SDCCAG8: variants seen among roughly 807,000 people sequenced by gnomAD.
The protein encoded by SDCCAG8 is serologically defined colon cancer antigen 8.
SDCCAG8 carries 74 observed loss-of-function variants against 101.8 expected under a neutral mutation model. The ratio of observed to expected loss-of-function variants is 0.73; its 90% CI spans 0.60 to 0.88. The LOEUF is 0.88. SDCCAG8 is among the 40% of genes least tolerant of loss of function. The probability of loss-of-function intolerance (pLI) is 0.00; values close to 1 mark genes in which losing one functional copy is unlikely to be tolerated. For missense variants in SDCCAG8, 787 were observed against 822.6 expected (o/e 0.96, Z 0.53); for synonymous variants, 281 against 292.9 (o/e 0.96, Z 0.41).
At chr1:243,275,687 A>C (rs2149270092) in intron 4 of SDCCAG8, among the ~76,000 whole-genome samples, 1 of 152,176 alleles carries the variant, frequency 6.6e-6, no homozygotes, top group Non-Finnish European at 1.5e-5. Flanking sequence ...TTTACTATCT[A>C]GTTGAGAAGA....
At chr1:243,338,080 C>T (rs1033590554) in intron 10 of SDCCAG8, among the ~76,000 whole-genome samples, 7 of 151,988 alleles carry the variant, frequency 4.6e-5, no homozygotes, top group African/African-American at 1.7e-4. Flanking sequence ...GCCACCTTGC[C>T]TGGCTAACTA....
chr1:243,428,038 G>A (rs939306802), intron 16 of SDCCAG8, among the ~76,000 whole-genome samples: 1 of 152,150 alleles, frequency 6.6e-6, no homozygotes, highest in Non-Finnish European at 1.5e-5. Flanking sequence ...TTGGCCATTG[G>A]GCCAGCCTTT....
chr1:243,337,895 T>C (rs998561770), intron 10 of SDCCAG8, among the ~76,000 whole-genome samples: 2 of 147,510 alleles, frequency 1.4e-5, no homozygotes, highest in East Asian at 4.1e-4. Flanking sequence ...CAAATGAAAA[T>C]TAATTCCATA....
intron 5 of SDCCAG8, among the ~76,000 whole-genome samples, chr1:243,292,203 T>C (rs1211245666): frequency 1.3e-5 from 2 of 152,196 alleles, no homozygotes; most frequent in Non-Finnish European, 2.9e-5. Context: ...CATGATTGGT[T>C]AAATCAATGG....
chr1:243,494,510 G>A (rs1343373272), intron 17 of SDCCAG8, among the ~76,000 whole-genome samples: 6 of 152,132 alleles, frequency 3.9e-5, no homozygotes, highest in South Asian at 2.1e-4. Context: ...CGCGACCTTC[G>A]GAGAAACTTC....
At chr1:243,437,137 T>A (rs1213648528) in intron 16 of SDCCAG8, among the ~76,000 whole-genome samples, 2 of 152,258 alleles carry the variant, frequency 1.3e-5, no homozygotes, top group Non-Finnish European at 2.9e-5. Flanking sequence ...AACTTTTAAA[T>A]TAAATCTGAT....
intron 16 of SDCCAG8, among the ~76,000 whole-genome samples, chr1:243,460,319 C>G (rs1183805292): frequency 6.6e-6 from 1 of 151,982 alleles, no homozygotes. Context: ...GTGTGTGTAG[C>G]GAGCACTACT....
At chr1:243,365,923 G>C (rs2076966852) in intron 12 of SDCCAG8, among the ~76,000 whole-genome samples, 1 of 151,988 alleles carries the variant, frequency 6.6e-6, no homozygotes, top group African/African-American at 2.4e-5. Context: ...ATTCCATTTT[G>C]AAATGACCTT....
intron 13 of SDCCAG8, among the ~76,000 whole-genome samples, chr1:243,406,577 T>C (rs1368861615): frequency 6.6e-6 from 1 of 152,190 alleles, no homozygotes; most frequent in Non-Finnish European, 1.5e-5. Flanking sequence ...GAGTGATCTT[T>C]CTAAAGCACG....
At chr1:243,450,118 G>C (rs760591148) in intron 16 of SDCCAG8, among the ~76,000 whole-genome samples, 1 of 152,142 alleles carries the variant, frequency 6.6e-6, no homozygotes, top group Non-Finnish European at 1.5e-5. Flanking sequence ...AGCACTTAGA[G>C]CACTGTATTC....
intron 13 of SDCCAG8, among the ~76,000 whole-genome samples, chr1:243,383,069 T>C (rs747868915): frequency 1.2e-4 from 18 of 152,186 alleles, no homozygotes; most frequent in Non-Finnish European, 1.9e-4. Flanking sequence ...AGGTATTCAT[T>C]GTAGCTAAGG....
At chr1:243,365,689 T>C (rs1231776559) in intron 12 of SDCCAG8, among the ~76,000 whole-genome samples, 1 of 152,172 alleles carries the variant, frequency 6.6e-6, no homozygotes, top group Non-Finnish European at 1.5e-5. Context: ...TAGTAGCAGA[T>C]ACCATATCTA....
Position 243,465,198 on chromosome 1 carries a change from G to T in SDCCAG8, c.1986-23816G>T, listed in dbSNP as rs997067269. The stretch of plus-strand genomic sequence containing the variant: ...TCATGGTCTCTTTTGGGAGGGTCGG[G>T]GCTGGTGGGAACAAATTCCTGCCCA... On this transcript the variant is annotated intron_variant, in intron 16 of 17. Coordinates refer to ENST00000366541, the MANE Select transcript of SDCCAG8 (RefSeq NM_006642.5). 3.9e-5 allele frequency among the ~76,000 whole-genome samples: 6 copies of T among 152,184 alleles called. No individual in the cohort carries two copies. The South Asian group carries it at 8.3e-4, about 21-fold the overall frequency.
intron 16 of SDCCAG8, among the ~76,000 whole-genome samples, chr1:243,447,247 T>TAA (rs2082980774): frequency 1.9e-4 from 2 of 10,694 alleles, no homozygotes; most frequent in African/African-American, 6.6e-4. Flanking sequence ...AGACTTCGTC[T>TAA]CAAAAAAAAA....
intron 9 of SDCCAG8, among the ~76,000 whole-genome samples, chr1:243,329,654 A>T (rs913877801): frequency 1.3e-5 from 2 of 152,206 alleles, no homozygotes; most frequent in African/African-American, 4.8e-5. Context: ...TACTTTTATT[A>T]GGATTTTTAA....
chr1:243,384,514 A>G (rs151010172), intron 13 of SDCCAG8, among the ~76,000 whole-genome samples: 1,641 of 152,254 alleles, frequency 0.011, 11 homozygotes, highest in Non-Finnish European at 0.016. Context: ...ATCAAATGAT[A>G]ATCATTCTAA....
intron 5 of SDCCAG8, among the ~76,000 whole-genome samples, chr1:243,292,095 T>C (rs2070325289): frequency 6.6e-6 from 1 of 152,208 alleles, no homozygotes; most frequent in African/African-American, 2.4e-5. Flanking sequence ...CTGTGGAGTT[T>C]GGGTACACCA....
At chr1:243,415,394 G>A (rs992811808) in intron 13 of SDCCAG8, among the ~76,000 whole-genome samples, 1 of 152,262 alleles carries the variant, frequency 6.6e-6, no homozygotes, top group Non-Finnish European at 1.5e-5. Flanking sequence ...TTCATTGATA[G>A]TGTAAAACAT....
intron 8 of SDCCAG8, among the ~76,000 whole-genome samples, chr1:243,315,491 G>T (rs1322249750): frequency 1.2e-4 from 19 of 152,138 alleles, no homozygotes; most frequent in Non-Finnish European, 1.6e-4. Flanking sequence ...CTGCTTCCAT[G>T]AATTTTATAT....
Sources: gnomAD v4.1 joint callset for allele counts (sites outside exome capture counted in the v4.1 genomes callset) on GRCh38, gnomAD v4.1.1 for gene constraint, MANE v1.5 for transcripts, NCBI Gene and HGNC (gene_info 2026-07-23, HGNC 2026-07-21) for gene names.